Variants in SQOR observed in about 807,000 individuals in gnomAD.
The protein encoded by SQOR is sulfide:quinone oxidoreductase, mitochondrial.
In SQOR, 39 loss-of-function variants were observed where a neutral mutation model predicts 48.6. The ratio of observed to expected loss-of-function variants is 0.80; its 90% CI spans 0.62 to 1.05. The LOEUF (loss-of-function observed/expected upper bound fraction) is 1.05. SQOR is among the 50% of genes least tolerant of loss of function. The pLI is 0.00. For missense variants in SQOR, 561 were observed against 559.9 expected (o/e 1.00, Z -0.02); for synonymous variants, 220 against 206.2 (o/e 1.07, Z -0.57).
At chr15:45,640,731 G>A (rs1459700300) in intron 1 of SQOR, among the ~76,000 whole-genome samples, 1 of 152,174 alleles carries the variant, frequency 6.6e-6, no homozygotes, top group East Asian at 1.9e-4. Context: ...TGCTCCTGAG[G>A]CTGATGAGTA....
intron 1 of SQOR, among the ~76,000 whole-genome samples, chr15:45,647,944 A>G (rs1889375467): frequency 6.6e-6 from 1 of 152,130 alleles, no homozygotes; most frequent in South Asian, 2.1e-4. Flanking sequence ...AAATAAAATA[A>G]TTTCAGCCAA....
chr15:45,640,655 G>T (rs1895089575), intron 1 of SQOR, among the ~76,000 whole-genome samples: 1 of 152,186 alleles, frequency 6.6e-6, no homozygotes, highest in Admixed American at 6.5e-5. Flanking sequence ...TGATATACTT[G>T]AATGAAATGG....
chr15:45,633,618 C>T (rs939448668), upstream of SQOR, among the ~76,000 whole-genome samples: 3 of 148,466 alleles, frequency 2.0e-5, no homozygotes, highest in Admixed American at 6.8e-5. Flanking sequence ...CACTTGAATC[C>T]GGGAGGTGGA....
chr15:45,636,258 C>T (rs1221762361), intron 1 of SQOR, among the ~76,000 whole-genome samples: 2 of 151,844 alleles, frequency 1.3e-5, no homozygotes, highest in African/African-American at 2.4e-5. Context: ...AAAACGAATG[C>T]GTTATTTAAT....
intron 1 of SQOR, among the ~76,000 whole-genome samples, chr15:45,648,591 C>T (rs563143884): frequency 5.9e-5 from 9 of 152,276 alleles, no homozygotes; most frequent in African/African-American, 1.4e-4. Flanking sequence ...TAATTAAATA[C>T]GCCCAGAAAG....
upstream of SQOR, among the ~76,000 whole-genome samples, chr15:45,634,226 T>TATATATATATATA (rs1555399817): frequency 3.0e-5 from 1 of 33,572 alleles, no homozygotes. Flanking sequence ...ATATATATAT[T>TATATATATATATA]CAAAATTCAT....
Position 45,651,055 on chromosome 15 carries a change from G to C in SQOR, c.-17-7852G>C, listed in dbSNP as rs532280314. On this transcript the variant is annotated intron_variant, in intron 1 of 9. Coordinates refer to ENST00000260324, the MANE Select transcript of SQOR (RefSeq NM_021199.4). The stretch of plus-strand genomic sequence containing the variant: ...GCGGTCAATGGGACAGGGCATCACA[G>C]AGCAGGGGGCGGCGCCCATCAGGGA... Among the ~76,000 whole-genome samples, 13 of 152,324 alleles carry C rather than the reference G, an allele frequency of 8.5e-5. No homozygotes were observed. The South Asian group carries it at 2.7e-3, about 32-fold the overall frequency.
At chr15:45,685,588 C>G (rs1025988737) in intron 7 of SQOR, among the ~76,000 whole-genome samples, 2 of 152,168 alleles carry the variant, frequency 1.3e-5, no homozygotes, top group Admixed American at 6.5e-5. Flanking sequence ...CGCCTGCACC[C>G]ATGCACACTT....
chr15:45,637,381 AAGTAGAT>A (rs1895023727), intron 1 of SQOR, among the ~76,000 whole-genome samples: 1 of 152,276 alleles, frequency 6.6e-6, no homozygotes, highest in Admixed American at 6.5e-5. Flanking sequence ...TAGAGGGCTG[AAGTAGAT>A]ACCATTTATC....
At chr15:45,633,875 T>A (rs1055613333), upstream of SQOR, among the ~76,000 whole-genome samples, 1 of 150,430 alleles carries the variant, frequency 6.6e-6, no homozygotes, top group Non-Finnish European at 1.5e-5. Context: ...TGAAAACATT[T>A]AAAAAAATAA....
At position 45,669,915 on chromosome 15, in the gene SQOR, T is replaced by G. The variant is rs1243306072; in HGVS notation, c.406-13T>G. 3.1e-6 allele frequency: 5 copies of G among 1,613,234 alleles called. No homozygotes were observed. Among genetic ancestry groups the G allele is most frequent in the Non-Finnish European group, 3.4e-6 (4 of 1,179,288 alleles). ...TGAGTCCTGGTCTAAAATAATGTCT[T>G]TTTGTGTTGCAGATCTCCTACCGAT... On this transcript the variant is annotated splice_polypyrimidine_tract_variant and intron_variant, in intron 3 of 9. Transcript: ENST00000260324.
In SQOR at chr15:45,659,095, A is replaced by G; in HGVS notation, c.172A>G (p.Met58Val). The G allele has an allele frequency of 6.3e-7, 1 of 1,586,324 alleles. No homozygotes were observed. Among genetic ancestry groups the G allele is most frequent in the Non-Finnish European group, 8.6e-7 (1 of 1,165,322 alleles). ...GGGTGGGGGCAGTGGCGGAATCACCATGGCTGCCCGCATGAAGAGGAAAGT... is the reference window on the plus strand; with the variant it reads ...GGGTGGGGGCAGTGGCGGAATCACCGTGGCTGCCCGCATGAAGAGGAAAGT... ...VLGGGSGGIT[M>V]AARMKRKVGA... The change falls in exon 2 of 10, where the codon ATG becomes GTG. Residue 58 changes from methionine (M) to valine (V), a missense_variant. Transcript: ENST00000260324.
At chr15:45,662,263 A>G (rs970533642) in intron 3 of SQOR, 138 bp downstream of exon 3, 1 of 863,206 alleles carries the variant, frequency 1.2e-6, no homozygotes, top group Non-Finnish European at 1.8e-6. Flanking sequence ...GTTGAATACT[A>G]CACAAGATGG....
At chr15:45,683,854 A>ATGTG (rs79144382) in intron 7 of SQOR, among the ~76,000 whole-genome samples, 3 of 149,152 alleles carry the variant, frequency 2.0e-5, no homozygotes, top group African/African-American at 4.9e-5. Flanking sequence ...TGTATATATT[A>ATGTG]TGTGTGTGTG....
At chr15:45,658,625 G>A (rs1271474338) in intron 1 of SQOR, among the ~76,000 whole-genome samples, 2 of 152,192 alleles carry the variant, frequency 1.3e-5, no homozygotes, top group Non-Finnish European at 2.9e-5. Context: ...CAGGTTATTA[G>A]GAAGGACTTA....
intron 1 of SQOR, among the ~76,000 whole-genome samples, chr15:45,645,220 C>G (rs903201074): frequency 6.6e-6 from 1 of 152,168 alleles, no homozygotes; most frequent in Non-Finnish European, 1.5e-5. Context: ...TGCTAAGGAT[C>G]TCATTTATGG....
At chr15:45,651,465 C>T (rs1305948924) in intron 1 of SQOR, among the ~76,000 whole-genome samples, 5 of 152,224 alleles carry the variant, frequency 3.3e-5, no homozygotes, top group Admixed American at 6.5e-5. Context: ...AGCGCAGTGG[C>T]GGCCTGAAGG....
At chr15:45,659,196 G>C (rs774436391) in intron 2 of SQOR, 39 bp downstream of exon 2, 33 of 1,195,548 alleles carry the variant, frequency 2.8e-5, no homozygotes, top group Non-Finnish European at 3.6e-5. Flanking sequence ...GTGTGTGTAC[G>C]TGTGTGTGTG....
At chr15:45,683,403 T>C (rs1890158986) in intron 7 of SQOR, among the ~76,000 whole-genome samples, 1 of 152,216 alleles carries the variant, frequency 6.6e-6, no homozygotes, top group African/African-American at 2.4e-5. Flanking sequence ...ACAAATACAG[T>C]GGAGCATGCC....
Sources: allele counts gnomAD v4.1 joint callset (sites outside exome capture counted in the v4.1 genomes callset), GRCh38; gene constraint gnomAD v4.1.1; transcripts MANE v1.5; gene names NCBI Gene and HGNC (gene_info 2026-07-23, HGNC 2026-07-21).